CLGN: variants seen among roughly 807,000 people sequenced by gnomAD.
The protein encoded by CLGN is testis tissue sperm-binding protein Li 79P.
CLGN carries 62 observed loss-of-function variants against 79.1 expected under a neutral mutation model. The ratio of observed to expected loss-of-function variants is 0.78; its 90% CI spans 0.64 to 0.97. The LOEUF (loss-of-function observed/expected upper bound fraction) is 0.97, where lower values mean the gene tolerates loss of function less well. CLGN is among the 50% of genes least tolerant of loss of function. CLGN has a pLI of 0.00. For missense variants in CLGN, 647 were observed against 715.5 expected, an observed-to-expected ratio of 0.90 and a Z score of 1.09; for synonymous variants, 225 against 224.7, an observed-to-expected ratio of 1.00 and a Z score of -0.01.
rs190842064 is a variant in CLGN at position 140,420,363 on chromosome 4, T to C, written c.-10+7174A>G. Among the ~76,000 whole-genome samples, 496 of 152,262 alleles carry C rather than the reference T, an allele frequency of 3.3e-3. 5 individuals are homozygous for C. Among genetic ancestry groups the C allele is most frequent in the African/African-American group, 0.011 (467 of 41,560 alleles). On this transcript the variant is annotated intron_variant, in intron 1 of 14. Coordinates refer to ENST00000325617, the MANE Select transcript of CLGN (RefSeq NM_004362.3). ...CACTTTATCTTGAAAGTTTGTTTCT[T>C]CTTTAAAATTCTATGATCTTATATT... is the stretch of plus-strand genomic sequence containing the variant.
At chr4:140,420,271 A>G (rs1039744858) in intron 1 of CLGN, among the ~76,000 whole-genome samples, 7 of 152,146 alleles carry the variant, frequency 4.6e-5, no homozygotes, top group South Asian at 2.1e-4. Context: ...TTTGTATTCT[A>G]TATTATAGTT....
At chr4:140,395,358 G>A (rs1728853165) in intron 10 of CLGN, among the ~76,000 whole-genome samples, 1 of 152,078 alleles carries the variant, frequency 6.6e-6, no homozygotes, top group Admixed American at 6.5e-5. Context: ...ATGTTGACCA[G>A]GGTGGTCTCC....
chr4:140,393,401 GA>G (rs1271086690), intron 11 of CLGN, among the ~76,000 whole-genome samples: 2 of 151,922 alleles, frequency 1.3e-5, no homozygotes, highest in Admixed American at 1.3e-4. Context: ...AAGGTTTCGG[GA>G]AAAAACTGGA....
At chr4:140,390,081 C>CA (rs369771061) in intron 14 of CLGN, among the ~76,000 whole-genome samples, 2,962 of 148,198 alleles carry the variant, frequency 0.02, 97 homozygotes, top group African/African-American at 0.065. Flanking sequence ...TAATAACTTA[C>CA]AAAAAAAAAG....
intron 3 of CLGN, among the ~76,000 whole-genome samples, chr4:140,410,331 T>C (rs996399919): frequency 2.0e-5 from 3 of 152,060 alleles, no homozygotes; most frequent in Non-Finnish European, 4.4e-5. Context: ...ATAAATTTCA[T>C]CTTTGCATTC....
chr4:140,424,816 A>G (rs1729531671), intron 1 of CLGN, among the ~76,000 whole-genome samples: 1 of 152,202 alleles, frequency 6.6e-6, no homozygotes, highest in Non-Finnish European at 1.5e-5. Flanking sequence ...GATCTCATGT[A>G]TGTTCTCTGC....
In CLGN at chr4:140,389,230, C is replaced by T. The variant is rs768467989; in HGVS notation, c.1827G>A (p.Lys609=). The T allele has an allele frequency of 1.2e-6, 2 of 1,611,808 alleles. No individual in the cohort carries two copies. The highest frequency in any genetic ancestry group is 1.7e-6 in the Non-Finnish European group (2 of 1,178,426). Residue 609 remains lysine, a synonymous_variant, in exon 15 of 15, where the codon AAG becomes AAA. Transcript: ENST00000325617. ...IKSVRKRRVR[K]D ...AAAAATATTTCAATCTAGTTTAGTC[C>T]TTTCGTACTCTTCTTTTGCGTACTG...
In CLGN at chr4:140,413,096, T is replaced by C; in HGVS notation, c.-9-9A>G. On this transcript the variant is annotated splice_polypyrimidine_tract_variant and intron_variant, in intron 1 of 14. Coordinates refer to ENST00000325617, the MANE Select transcript of CLGN (RefSeq NM_004362.3). ...AAATGCATATTGATTATCTGTGAAA[T>C]TAAAAGTAATTAGTGAAAATAAAAC... 1 of 1,597,876 alleles carries C rather than the reference T, an allele frequency of 6.3e-7. No homozygotes were observed. The highest frequency in any genetic ancestry group is 8.5e-7 in the Non-Finnish European group (1 of 1,173,652).
At chr4:140,396,894 T>TATATATAC (rs2126617209) in intron 8 of CLGN, among the ~76,000 whole-genome samples, 1 of 68,998 alleles carries the variant, frequency 1.4e-5, no homozygotes, top group Non-Finnish European at 3.0e-5. Context: ...TATATATGTA[T>TATATATAC]ATATATATAT....
chr4:140,403,104 T>C (rs1398838455), intron 5 of CLGN, among the ~76,000 whole-genome samples: 1 of 152,118 alleles, frequency 6.6e-6, no homozygotes, highest in East Asian at 1.9e-4. Context: ...AAGGGGTGAT[T>C]TTCTCCTATA....
At chr4:140,425,499 G>A (rs891612457) in intron 1 of CLGN, among the ~76,000 whole-genome samples, 3 of 149,540 alleles carry the variant, frequency 2.0e-5, no homozygotes, top group Non-Finnish European at 3.0e-5. Context: ...TTTACTGCAC[G>A]TTGATTTATT....
chr4:140,392,429 A>G lies in CLGN; in HGVS notation c.1492-51T>C, dbSNP rs139007103. ...TTACTAAAGGCAGAGTGCTATTTTG[A>G]AAGTTTTTTTGCAATAATTGATAAC... On this transcript the variant is annotated intron_variant, in intron 12 of 14. Coordinates refer to ENST00000325617, the MANE Select transcript of CLGN (RefSeq NM_004362.3). 442 of 1,540,860 alleles carry G rather than the reference A, an allele frequency of 2.9e-4. 3 individuals carry two copies. In the African/African-American group the frequency reaches 5.2e-3, roughly 18 times the overall value.
chr4:140,399,111 T>C, intron 7 of CLGN, 71 bp from the exon 8 acceptor site: 1 of 1,300,536 alleles, frequency 7.7e-7, no homozygotes, highest in Non-Finnish European at 1.1e-6. Flanking sequence ...TTCTAAATAA[T>C]GTAACTACCC....
Position 140,389,434 on chromosome 4 carries a change from T to C in CLGN, c.1753-130A>G, listed in dbSNP as rs1728733851. On this transcript the variant is annotated intron_variant, in intron 14 of 14. Coordinates refer to ENST00000325617, the MANE Select transcript of CLGN (RefSeq NM_004362.3). ...CAAGTGCTATTATGAAGGTATTATA[T>C]GAAATAAAGTTATAGTTATTTCTCA... The C allele has an allele frequency of 2.9e-5, 20 of 679,562 alleles. No homozygotes were observed. In the East Asian group the frequency reaches 5.2e-4, roughly 18 times the overall value. The allele number at this position is 679,562 out of a possible 1,614,324, so 42.1% of individuals were successfully genotyped here. A position where few individuals can be genotyped will look rare whatever the true frequency, so the allele number is the denominator to read the frequency against.
At chr4:140,399,843 T>G (rs1728965766) in intron 7 of CLGN, among the ~76,000 whole-genome samples, 1 of 152,190 alleles carries the variant, frequency 6.6e-6, no homozygotes, top group Non-Finnish European at 1.5e-5. Flanking sequence ...TGCTCAATGC[T>G]TCTCCTTTCG....
intron 1 of CLGN, among the ~76,000 whole-genome samples, chr4:140,420,426 A>G (rs746961285): frequency 1.5e-4 from 23 of 152,192 alleles, no homozygotes; most frequent in Non-Finnish European, 2.8e-4. Flanking sequence ...TTTACAGCCC[A>G]GGACATGAAT....
chr4:140,400,531 T>C lies in CLGN; in HGVS notation c.520A>G (p.Thr174Ala). Residue 174 changes from threonine to alanine, a missense_variant, in exon 7 of 15, where the codon ACA becomes GCA. Transcript: ENST00000325617. ...DLILENFYDK[T>A]SYIIMFGPDK... is the part of the protein sequence containing the mutation. ...GGTCCAAACATAATGATATAGGATGTTTTATCATAAAAGTTTTCCTTCAAA... is the reference window on the plus strand; with the variant it reads ...GGTCCAAACATAATGATATAGGATGCTTTATCATAAAAGTTTTCCTTCAAA... The C allele has an allele frequency of 1.3e-6, 2 of 1,590,226 alleles. No individual in the cohort carries two copies. Among genetic ancestry groups the C allele is most frequent in the Non-Finnish European group, 1.7e-6 (2 of 1,165,438 alleles).
intron 7 of CLGN, 72 bp from the exon 8 acceptor site, chr4:140,399,112 G>T (rs1005704839): frequency 1.2e-5 from 16 of 1,286,694 alleles, no homozygotes; most frequent in Non-Finnish European, 1.6e-5. Context: ...TCTAAATAAT[G>T]TAACTACCCT....
At position 140,402,029 on chromosome 4, in the gene CLGN, C is replaced by A; in HGVS notation, c.457G>T (p.Gly153Cys). Residue 153 changes from glycine (G) to cysteine (C), a missense_variant, in exon 6 of 15, where the codon GGT becomes TGT. Transcript: ENST00000325617. The stretch of plus-strand genomic sequence containing the variant: ...TCTGCTAGGAGTTTAATGTATGCAC[C>A]TCCACAATCAATACCATCTTGAAAA... Reference protein sequence around the residue: ...VNFQDGIDCGGAYIKLLADTD... With the variant: ...VNFQDGIDCGCAYIKLLADTD... The A allele has an allele frequency of 6.3e-7, 1 of 1,582,912 alleles. No homozygotes were observed.
Sources: gnomAD v4.1 joint callset for allele counts (sites outside exome capture counted in the v4.1 genomes callset) on GRCh38, gnomAD v4.1.1 for gene constraint, MANE v1.5 for transcripts, NCBI Gene and HGNC (gene_info 2026-07-23, HGNC 2026-07-21) for gene names.